Variants in RAB40B observed in about 807,000 individuals in gnomAD.
RAB40B encodes RAB40B, member RAS oncogene family.
Under a neutral mutation model 24.0 loss-of-function variants are expected in RAB40B, and 21 were observed. The ratio of observed to expected loss-of-function variants is 0.88; its 90% CI spans 0.62 to 1.26. The LOEUF (loss-of-function observed/expected upper bound fraction) is 1.26, where lower values mean the gene tolerates loss of function less well. RAB40B is among the 50% of genes most tolerant of loss of function. The pLI is 0.00. For synonymous variants in RAB40B, 167 were observed against 169.8 expected, an observed-to-expected ratio of 0.98 and a Z score of 0.13; for missense variants, 348 against 390.5, an observed-to-expected ratio of 0.89 and a Z score of 0.92.
rs1329636468 is a variant in RAB40B at position 82,657,651 on chromosome 17, AAC to A, written c.*210_*211del. 2 of 702,670 alleles carry A rather than the reference AAC, an allele frequency of 2.8e-6. No homozygotes were observed. The highest frequency in any genetic ancestry group is 5.2e-6 in the Non-Finnish European group (2 of 385,430). 43.5% of individuals were successfully genotyped at this position (702,670 alleles called of 1,614,324 possible). A position where few individuals can be genotyped will look rare whatever the true frequency, so the allele number is the denominator to read the frequency against. ...GCAGAGTACTAATTTTCCCTTTACA[AAC>A]ACACATCGAAAACAAGAGCTTCATG... On this transcript the variant is annotated 3_prime_UTR_variant, in exon 6 of 6. Transcript: ENST00000571995.
chr17:82,698,383 A>AC, intron 1 of RAB40B, 72 bp downstream of exon 1: 1 of 27,870 alleles, frequency 3.6e-5, no homozygotes, highest in Non-Finnish European at 5.7e-5. Flanking sequence ...CCCCACCCGC[A>AC]CCCCCTCCCC....
At chr17:82,679,108 C>T (rs1286479170) in intron 1 of RAB40B, among the ~76,000 whole-genome samples, 1 of 151,098 alleles carries the variant, frequency 6.6e-6, no homozygotes, top group Non-Finnish European at 1.5e-5. Flanking sequence ...TAGTCTCGAT[C>T]TCCTGACCTC....
rs571794524 is a variant in RAB40B, at chr17:82,686,983, C to T, written c.142+11472G>A. On this transcript the variant is annotated intron_variant, in intron 1 of 5. Transcript: ENST00000571995. ...CCGTCCAGTGCTGGGGGGAAGGAGG[C>T]TCAGAGCTCAGGGGTATCAAAGACC... Among the ~76,000 whole-genome samples, 461 of 151,930 alleles carry T rather than the reference C, an allele frequency of 3.0e-3. 1 individual carries two copies. The highest frequency in any genetic ancestry group is 9.4e-3 in the African/African-American group (390 of 41,420).
chr17:82,658,142 G>T lies in RAB40B; in HGVS notation c.566-8C>A, dbSNP rs1369992088. 1 of 1,611,840 alleles carries T rather than the reference G, an allele frequency of 6.2e-7. No individual in the cohort carries two copies. Among genetic ancestry groups the T allele is most frequent in the Admixed American group, 1.7e-5 (1 of 59,832 alleles). ...GGTCTTGCAAGCTCAGCACTTGGGA[G>T]AGAAAAGATAAACCTTGCTTAGTGG... On this transcript the variant is annotated splice_polypyrimidine_tract_variant and splice_region_variant and intron_variant, in intron 5 of 5. Coordinates refer to ENST00000571995, the MANE Select transcript of RAB40B (RefSeq NM_006822.3).
rs1380191731 is a variant in RAB40B, at chr17:82,658,664, G to T, written c.392C>A (p.Ala131Glu). ...KILVGNRLHL[A>E]FKRQVPTEQA... ...CTCCGTGGGCACCTGCCGCTTGAAC[G>T]CCAGGTGCAGGCGGTTCCCCACCAG... is the stretch of plus-strand genomic sequence containing the variant. The change falls in exon 5 of 6, where the codon GCG becomes GAG. Residue 131 changes from alanine to glutamate, a missense_variant. Physicochemically the swap from Ala to Glu is moderately radical, Grantham distance 107. This residue lies in a region of RAB40B where 126 missense variants were observed against 181.0 expected (regional missense o/e 0.70). Transcript: ENST00000571995. The T allele has an allele frequency of 1.2e-6, 2 of 1,613,284 alleles. No individual in the cohort carries two copies. The highest frequency in any genetic ancestry group is 3.3e-5 in the Admixed American group (2 of 60,008).
chr17:82,690,561 C>T (rs1386063235), intron 1 of RAB40B, among the ~76,000 whole-genome samples: 3 of 128,898 alleles, frequency 2.3e-5, no homozygotes, highest in African/African-American at 6.0e-5. Context: ...GGAGTGTGCA[C>T]GTGTGTTGCC....
intron 1 of RAB40B, among the ~76,000 whole-genome samples, chr17:82,696,031 G>A (rs906538364): frequency 3.3e-5 from 5 of 151,542 alleles, no homozygotes; most frequent in East Asian, 3.9e-4. Flanking sequence ...CACCATGCTC[G>A]GCTAATTTTT....
At position 82,659,576 on chromosome 17, in the gene RAB40B, A is replaced by C; in HGVS notation, c.342+4T>G. On this transcript the variant is annotated splice_donor_region_variant and intron_variant, in intron 4 of 5. Transcript: ENST00000571995. The stretch of plus-strand genomic sequence containing the variant: ...TCTTGGGCAGTGGCATTTCTACAAC[A>C]TACCTCATCGATCTCCTTAATCCAT... 6.2e-7 allele frequency: 1 copy of C among 1,613,964 alleles called. No homozygotes were observed. The highest frequency in any genetic ancestry group is 1.1e-5 in the South Asian group (1 of 91,074).
Position 82,658,733 on chromosome 17 carries a change from CGAG to C in RAB40B, c.343-23_343-21del. 2 of 1,595,192 alleles carry C rather than the reference CGAG, an allele frequency of 1.3e-6. No homozygotes were observed. The highest frequency in any genetic ancestry group is 1.1e-5 in the South Asian group (1 of 89,976). On this transcript the variant is annotated intron_variant, in intron 4 of 5. Coordinates refer to ENST00000571995, the MANE Select transcript of RAB40B (RefSeq NM_006822.3). The stretch of plus-strand genomic sequence containing the variant: ...GGCATGCTAGCGGGCAGGAGAAAGG[CGAG>C]GAGCATGGGTTACTTCAGTGAGATT...
At chr17:82,673,219 CTCA>C (rs1041803994) in intron 1 of RAB40B, among the ~76,000 whole-genome samples, 4 of 152,110 alleles carry the variant, frequency 2.6e-5, no homozygotes, top group African/African-American at 9.7e-5. Context: ...AAAAAATTGC[CTCA>C]TGTTTACTTG....
At position 82,697,901 on chromosome 17, in the gene RAB40B, G is replaced by A. The variant is rs1042644309; in HGVS notation, c.142+554C>T. The stretch of plus-strand genomic sequence containing the variant: ...TCCTTCCTCTCCCCCGGACACGCGG[G>A]ACCCCTGGCCTCGGGACCGGACCCT... On this transcript the variant is annotated intron_variant, in intron 1 of 5. Transcript: ENST00000571995. This position sits in a 1 kb window ranked among gnomAD's most constrained non-coding sequence, Gnocchi z 4.9. Among the ~76,000 whole-genome samples, 3 of 151,560 alleles carry A rather than the reference G, an allele frequency of 2.0e-5. No homozygotes were observed. The highest frequency in any genetic ancestry group is 7.3e-5 in the African/African-American group (3 of 41,234).
intron 1 of RAB40B, among the ~76,000 whole-genome samples, chr17:82,687,211 G>A (rs933687175): frequency 5.9e-5 from 9 of 152,162 alleles, no homozygotes; most frequent in Non-Finnish European, 1.2e-4. Flanking sequence ...GGCCTCCTGA[G>A]CTGGAAGAAA....
chr17:82,686,315 T>A (rs2046501429), intron 1 of RAB40B, among the ~76,000 whole-genome samples: 1 of 152,104 alleles, frequency 6.6e-6, no homozygotes, highest in South Asian at 2.1e-4. Flanking sequence ...TTTCCCCATG[T>A]TGGCCAGGCT....
Position 82,662,157 on chromosome 17 carries a change from G to A in RAB40B, c.204-1110C>T, listed in dbSNP as rs566058488. 200 of 985,494 alleles carry A rather than the reference G, an allele frequency of 2.0e-4. 4 individuals carry two copies. The South Asian group carries it at 8.7e-3, about 43-fold the overall frequency. 61.0% of individuals were successfully genotyped at this position (985,494 alleles called of 1,614,324 possible). On this transcript the variant is annotated intron_variant, in intron 2 of 5. Transcript: ENST00000571995. ...CACCTGTGGTCGGTGACCACCCTCAGCACGAGAGAGAAGGGCCTGGGGCTC... is the reference window on the plus strand; with the variant it reads ...CACCTGTGGTCGGTGACCACCCTCAACACGAGAGAGAAGGGCCTGGGGCTC...
chr17:82,666,210 G>T (rs954287037), intron 1 of RAB40B, among the ~76,000 whole-genome samples: 13 of 151,940 alleles, frequency 8.6e-5, no homozygotes, highest in Non-Finnish European at 1.5e-4. Context: ...CCAAAGTGCT[G>T]GGATTACAGG....
At chr17:82,691,219 A>T (rs952066179) in intron 1 of RAB40B, among the ~76,000 whole-genome samples, 2 of 152,226 alleles carry the variant, frequency 1.3e-5, no homozygotes, top group Non-Finnish European at 2.9e-5. Context: ...CTTAGCAAAA[A>T]TGAAACAAAG....
chr17:82,676,620 A>G (rs1057031221), intron 1 of RAB40B, among the ~76,000 whole-genome samples: 5 of 151,240 alleles, frequency 3.3e-5, no homozygotes, highest in Admixed American at 6.6e-5. Flanking sequence ...GTGGCCTACT[A>G]ATTTTTCTTT....
chr17:82,688,951 T>G (rs1278720979), intron 1 of RAB40B, among the ~76,000 whole-genome samples: 1 of 152,152 alleles, frequency 6.6e-6, no homozygotes, highest in Admixed American at 6.5e-5. Context: ...ATTTAAAAAT[T>G]GTTTTGTTTG....
rs2046079532 is a variant in RAB40B at position 82,655,287 on chromosome 17, G to A, written c.*2576C>T. On this transcript the variant is annotated 3_prime_UTR_variant, in exon 6 of 6. Coordinates refer to ENST00000571995, the MANE Select transcript of RAB40B (RefSeq NM_006822.3). ...GGGGAGCCTCCTTGCTACATGTTCC[G>A]CTTCTGGGGACTTCTGGTGGTGTTT... 2.0e-5 allele frequency: 3 copies of A among 152,140 alleles called. No homozygotes were observed. Among genetic ancestry groups the A allele is most frequent in the South Asian group, 2.1e-4 (1 of 4,820 alleles). 9.4% of individuals were successfully genotyped at this position (152,140 alleles called of 1,614,324 possible). A position where few individuals can be genotyped will look rare whatever the true frequency, so the allele number is the denominator to read the frequency against.
Sources: gnomAD v4.1 joint callset for allele counts (sites outside exome capture counted in the v4.1 genomes callset) on GRCh38, gnomAD v4.1.1 for gene constraint, gnomAD v4.1.1 regional missense constraint, Gnocchi (gnomAD v3.1) non-coding constraint, MANE v1.5 for transcripts, NCBI Gene and HGNC (gene_info 2026-07-23, HGNC 2026-07-21) for gene names.